The following ZFTA variants were observed in gnomAD, a reference collection of about 807,000 sequenced individuals.
The protein encoded by ZFTA is zinc finger translocation associated.
A neutral mutation model predicts 41.8 loss-of-function variants in ZFTA; 35 were observed. The observed-to-expected ratio is 0.84, with a 90% CI of 0.64 to 1.11. The LOEUF is 1.11. Among genes scored for constraint, ZFTA ranks in the 50% most tolerant of loss-of-function variants. The pLI is 0.00. For missense variants in ZFTA, 964 were observed against 989.8 expected (o/e 0.97, Z 0.35); for synonymous variants, 514 against 436.4 (o/e 1.18, Z -2.22).
chr11:63,768,437 T>TC, intron 1 of ZFTA, 47 bp downstream of exon 1: 3 of 1,063,506 alleles, frequency 2.8e-6, no homozygotes, highest in South Asian at 3.0e-5. Flanking sequence ...AGCCCTCCCT[T>TC]CCCCCACGCC....
chr11:63,763,720 G>A lies in ZFTA; in HGVS notation c.1735C>T (p.Arg579Trp). The A allele has an allele frequency of 6.6e-7, 1 of 1,515,386 alleles. No homozygotes were observed. The highest frequency in any genetic ancestry group is 8.9e-7 in the Non-Finnish European group (1 of 1,127,706). The allele number at this position is 1,515,386 out of a possible 1,614,324, so 93.9% of individuals were successfully genotyped here. ...PPPPRSREQR[R>W]NYQPRWRGEY... Reference sequence around the variant, plus strand: ...CCCCGCCACCGCGGCTGGTAGTTCCGCCGCTGCTCCCGGCTGCGGGGCGGG... The same window carrying A: ...CCCCGCCACCGCGGCTGGTAGTTCCACCGCTGCTCCCGGCTGCGGGGCGGG... The change falls in exon 5 of 5, where the codon CGG becomes TGG. Residue 579 changes from arginine (R) to tryptophan (W), a missense_variant. This residue lies in a region of ZFTA where 63 missense variants were observed against 97.8 expected (regional missense o/e 0.64). Coordinates refer to ENST00000433688, the MANE Select transcript of ZFTA (RefSeq NM_001144936.2).
In ZFTA at chr11:63,761,302, C is replaced by T. The variant is rs999819238; in HGVS notation, c.*2116G>A. On this transcript the variant is annotated 3_prime_UTR_variant, in exon 5 of 5. Transcript: ENST00000433688. ...CTCCACAACAAAAAGCACAAAGCCC[C>T]CTGCCGAGGCAGCCTTGGGCCCTGC... 2.0e-5 allele frequency: 3 copies of T among 152,236 alleles called. No homozygotes were observed. Among genetic ancestry groups the T allele is most frequent in the African/African-American group, 4.8e-5 (2 of 41,446 alleles). 9.4% of individuals were successfully genotyped at this position (152,236 alleles called of 1,614,324 possible). A position where few individuals can be genotyped will look rare whatever the true frequency, so the allele number is the denominator to read the frequency against.
In ZFTA at chr11:63,761,941, C is replaced by T. The variant is rs2014646747; in HGVS notation, c.*1477G>A. 6.6e-6 allele frequency: 1 copy of T among 152,484 alleles called. No individual in the cohort carries two copies. The highest frequency in any genetic ancestry group is 6.5e-5 in the Admixed American group (1 of 15,286). 9.4% of individuals were successfully genotyped at this position (152,484 alleles called of 1,614,324 possible). A position where few individuals can be genotyped will look rare whatever the true frequency, so the allele number is the denominator to read the frequency against. The stretch of plus-strand genomic sequence containing the variant: ...GAGGGGCCTCCTCTTTGCTCTCTGC[C>T]TTTCCACCCCGAGGCAGGGGCTGGA... On this transcript the variant is annotated 3_prime_UTR_variant, in exon 5 of 5. Coordinates refer to ENST00000433688, the MANE Select transcript of ZFTA (RefSeq NM_001144936.2).
At position 63,763,468 on chromosome 11, in the gene ZFTA, G is replaced by A; in HGVS notation, c.1987C>T (p.Pro663Ser). 6.7e-7 allele frequency: 1 copy of A among 1,496,996 alleles called. No homozygotes were observed. The highest frequency in any genetic ancestry group is 8.9e-7 in the Non-Finnish European group (1 of 1,120,848). The allele number at this position is 1,496,996 out of a possible 1,614,324, so 92.7% of individuals were successfully genotyped here. A position where few individuals can be genotyped will look rare whatever the true frequency, so the allele number is the denominator to read the frequency against. ...TTGAGGTCCGCGCCGCCGTCACGCG[G>A]CGCCGGGGCGGGCGGCCCGAAGCCC... The part of the protein sequence containing the change: ...HEGFGPPAPA[P>S]RDGGADLKSG... The change falls in exon 5 of 5, where the codon CCG becomes TCG. Residue 663 changes from proline to serine, a missense_variant. This residue lies in a region of ZFTA where 65 missense variants were observed against 58.9 expected (regional missense o/e 1.10). Coordinates refer to ENST00000433688, the MANE Select transcript of ZFTA (RefSeq NM_001144936.2).
Position 63,763,817 on chromosome 11 carries a change from C to T in ZFTA, c.1638G>A (p.Glu546=). Residue 546 remains glutamate (E), a synonymous_variant, in exon 5 of 5, where the codon GAG becomes GAA. Coordinates refer to ENST00000433688, the MANE Select transcript of ZFTA (RefSeq NM_001144936.2). ...GAPLERPAEE[E]EDEEDGQEPG... The stretch of plus-strand genomic sequence containing the variant: ...GCTCCTGGCCGTCCTCTTCGTCCTC[C>T]TCTTCTTCGGCGGGCCGCTCCAAGG... 8 of 1,446,362 alleles carry T rather than the reference C, an allele frequency of 5.5e-6. No homozygotes were observed. The highest frequency in any genetic ancestry group is 3.0e-5 in the South Asian group (2 of 66,330). The allele number at this position is 1,446,362 out of a possible 1,614,324, so 89.6% of individuals were successfully genotyped here. A position where few individuals can be genotyped will look rare whatever the true frequency, so the allele number is the denominator to read the frequency against.
chr11:63,766,215 C>G lies in ZFTA; in HGVS notation c.229G>C (p.Gly77Arg), dbSNP rs2014743035. Residue 77 changes from glycine to arginine, a missense_variant, in exon 2 of 5, where the codon GGC becomes CGC. Gly to Arg is a moderately radical substitution (Grantham distance 125). Around this residue, in one of 5 missense-constraint regions of ZFTA, gnomAD observed 141 missense variants for 216.7 expected, o/e 0.65. Transcript: ENST00000433688. ...SSRARGPASS[G>R]RKYSDHCEAR... The stretch of plus-strand genomic sequence containing the variant: ...TCACAGTGGTCTGAATATTTCCTGC[C>G]TGAAGATGCTGGTCCCCTGGCCCTG... 1 of 1,536,040 alleles carries G rather than the reference C, an allele frequency of 6.5e-7. No homozygotes were observed. Among genetic ancestry groups the G allele is most frequent in the Non-Finnish European group, 8.8e-7 (1 of 1,140,938 alleles).
At position 63,763,067 on chromosome 11, in the gene ZFTA, C is replaced by T. The variant is rs574175639; in HGVS notation, c.*351G>A. The T allele has an allele frequency of 2.7e-3, 418 of 154,576 alleles. 1 individual carries two copies. The highest frequency in any genetic ancestry group is 9.5e-3 in the African/African-American group (397 of 41,602). 9.6% of individuals were successfully genotyped at this position (154,576 alleles called of 1,614,324 possible). ...TGACGGCGCCCCCAGTCCCGGCCTG[C>T]GGAGAACCCCCTCGCGGGGTGCGGC... On this transcript the variant is annotated 3_prime_UTR_variant, in exon 5 of 5. Transcript: ENST00000433688.
At chr11:63,766,425 G>A in intron 1 of ZFTA, 121 bp from the exon 2 acceptor site, 2 of 1,124,286 alleles carry the variant, frequency 1.8e-6, no homozygotes, top group Non-Finnish European at 1.2e-6. Context: ...GGCAGGAAAG[G>A]GACGGCAACA....
intron 3 of ZFTA, 77 bp downstream of exon 3, chr11:63,764,791 T>C: frequency 1.4e-6 from 2 of 1,423,796 alleles, no homozygotes; most frequent in Non-Finnish European, 1.8e-6. Context: ...CCTAAGTCCC[T>C]GCCTCCCAGT....
chr11:63,764,747 G>A (rs2014716779), intron 3 of ZFTA, 121 bp downstream of exon 3: 6 of 1,385,198 alleles, frequency 4.3e-6, no homozygotes, highest in Non-Finnish European at 5.6e-6. Context: ...AAGTATGTGT[G>A]TGGAGCACCA....
rs896390717 is a variant in ZFTA, at chr11:63,765,056, C to T, written c.836G>A (p.Arg279Gln). 7 of 1,548,776 alleles carry T rather than the reference C, an allele frequency of 4.5e-6. No individual in the cohort carries two copies. The African/African-American group carries it at 6.9e-5, about 15-fold the overall frequency. ...GGCCATGCACACCAGCCGGTTCCCC[C>T]GCGGGTCATAGTCCATGAGACACTC... ...RAECLMDYDP[R>Q]GNRLVCMACG... The change falls in exon 3 of 5, where the codon CGG becomes CAG. Residue 279 changes from arginine to glutamine, a missense_variant. Around this residue, in one of 5 missense-constraint regions of ZFTA, gnomAD observed 584 missense variants for 523.1 expected, o/e 1.12. Transcript: ENST00000433688. The surrounding 1 kb of genome is among the most constrained non-coding windows in gnomAD (Gnocchi z 4.0).
At position 63,761,273 on chromosome 11, in the gene ZFTA, T is replaced by A. The variant is rs1031613035; in HGVS notation, c.*2145A>T. 3 of 152,354 alleles carry A rather than the reference T, an allele frequency of 2.0e-5. No individual in the cohort carries two copies. Among genetic ancestry groups the A allele is most frequent in the African/African-American group, 7.2e-5 (3 of 41,566 alleles). 9.4% of individuals were successfully genotyped at this position (152,354 alleles called of 1,614,324 possible). On this transcript the variant is annotated 3_prime_UTR_variant, in exon 5 of 5. Coordinates refer to ENST00000433688, the MANE Select transcript of ZFTA (RefSeq NM_001144936.2). Reference sequence around the variant, plus strand: ...ATTCAGGATCTTCCTGAATCCCTGGTGGCCTCCACAACAAAAAGCACAAAG... The same window carrying A: ...ATTCAGGATCTTCCTGAATCCCTGGAGGCCTCCACAACAAAAAGCACAAAG...
chr11:63,761,072 T>G lies in ZFTA; in HGVS notation c.*2346A>C, dbSNP rs1478638121. 1 of 151,464 alleles carries G rather than the reference T, an allele frequency of 6.6e-6. No individual in the cohort carries two copies. Among genetic ancestry groups the G allele is most frequent in the African/African-American group, 2.4e-5 (1 of 41,216 alleles). 9.4% of individuals were successfully genotyped at this position (151,464 alleles called of 1,614,324 possible). ...GCCTACTGTTTTTGAATGGGCAGAG[T>G]AAAAAAAGTGGTGTTAATACTCTGG... is the stretch of plus-strand genomic sequence containing the variant. On this transcript the variant is annotated 3_prime_UTR_variant, in exon 5 of 5. Transcript: ENST00000433688.
At chr11:63,766,445 G>A (rs2014747455) in intron 1 of ZFTA, 141 bp from the exon 2 acceptor site, 4 of 1,180,576 alleles carry the variant, frequency 3.4e-6, no homozygotes. Flanking sequence ...AGCAATAAAA[G>A]GGATGGTAGA....
In ZFTA at chr11:63,765,845, T is replaced by G; in HGVS notation, c.599A>C (p.Glu200Ala). ...EEEEEEEEEEEGAGVPACPPK... is the reference protein window; with the variant it reads ...EEEEEEEEEEAGAGVPACPPK... ...CGGGCAAGCTGGGACACCGGCCCCC[T>G]CCTCCTCCTCCTCTTCTTCCTCCTC... Residue 200 changes from glutamate to alanine, a missense_variant, in exon 2 of 5, where the codon GAG (glutamate) becomes GCG (alanine). By Grantham distance (107) the Glu-to-Ala change is moderately radical. This residue lies in a region of ZFTA where 141 missense variants were observed against 216.7 expected (regional missense o/e 0.65). Transcript: ENST00000433688. The surrounding 1 kb of genome is among the most constrained non-coding windows in gnomAD (Gnocchi z 4.0). 1 of 1,470,594 alleles carries G rather than the reference T, an allele frequency of 6.8e-7. No individual in the cohort carries two copies. Among genetic ancestry groups the G allele is most frequent in the Non-Finnish European group, 9.0e-7 (1 of 1,108,482 alleles). The allele number at this position is 1,470,594 out of a possible 1,614,324, so 91.1% of individuals were successfully genotyped here. A position where few individuals can be genotyped will look rare whatever the true frequency, so the allele number is the denominator to read the frequency against.
Position 63,764,609 on chromosome 11 carries a change from A to G in ZFTA, c.1025-11T>C. ...GGGCGAGGTCATCGCCTGTTGGGGA[A>G]GGGGTGAGGGAGAGGGGCTCAGCCT... On this transcript the variant is annotated splice_polypyrimidine_tract_variant and intron_variant, in intron 3 of 4. Transcript: ENST00000433688. The G allele has an allele frequency of 8.0e-7, 1 of 1,255,942 alleles. No homozygotes were observed. The highest frequency in any genetic ancestry group is 4.1e-5 in the Admixed American group (1 of 24,294). 77.8% of individuals were successfully genotyped at this position (1,255,942 alleles called of 1,614,324 possible).
chr11:63,761,769 C>T lies in ZFTA; in HGVS notation c.*1649G>A, dbSNP rs2014642117. 1 of 152,222 alleles carries T rather than the reference C, an allele frequency of 6.6e-6. No homozygotes were observed. Among genetic ancestry groups the T allele is most frequent in the Non-Finnish European group, 1.5e-5 (1 of 68,094 alleles). The allele number at this position is 152,222 out of a possible 1,614,324, so 9.4% of individuals were successfully genotyped here. On this transcript the variant is annotated 3_prime_UTR_variant, in exon 5 of 5. Transcript: ENST00000433688. ...GCTATAAAATCCGTGGTATAAAATC[C>T]AACTCCCAAACAGGAAGCGTCAAGG...
Position 63,764,931 on chromosome 11 carries a change from C to A in ZFTA, c.961G>T (p.Ala321Ser), listed in dbSNP as rs1287062487. 1 of 1,545,332 alleles carries A rather than the reference C, an allele frequency of 6.5e-7. No homozygotes were observed. Residue 321 changes from alanine (A) to serine (S), a missense_variant, in exon 3 of 5, where the codon GCC becomes TCC. By Grantham distance (99) the Ala-to-Ser change is moderately conservative. This residue lies in a region of ZFTA where 584 missense variants were observed against 523.1 expected (regional missense o/e 1.12). Transcript: ENST00000433688. ...TGGCCCCCCCAGGCCTGCAGCAGGG[C>A]ACTGCGCTGGGGGCCGCTGAGCCCC... ...SLGLSGPQRS[A>S]LLQAWGGQPE... is the part of the protein sequence containing the mutation.
At chr11:63,766,329 T>C (rs1421933661) in intron 1 of ZFTA, 25 bp from the exon 2 acceptor site, 1 of 1,408,704 alleles carries the variant, frequency 7.1e-7, no homozygotes, top group Non-Finnish European at 9.2e-7. Flanking sequence ...AGGGAGACAG[T>C]TTTTCAATCT....
Sources: gnomAD v4.1 joint callset for allele counts on GRCh38, gnomAD v4.1.1 for gene constraint, gnomAD v4.1.1 regional missense constraint, Gnocchi (gnomAD v3.1) non-coding constraint, MANE v1.5 for transcripts, NCBI Gene and HGNC (gene_info 2026-07-23, HGNC 2026-07-21) for gene names.